Variants in DPYD observed in about 807,000 individuals in gnomAD.
DPYD encodes dihydropyrimidine dehydrogenase, also known as dihydropyrimidine dehydrogenase [NADP(+)].
A neutral mutation model predicts 116.2 loss-of-function variants in DPYD; 109 were observed. The observed-to-expected ratio is 0.94, with a 90% CI of 0.80 to 1.10. The LOEUF is 1.10. Among genes scored for constraint, DPYD ranks in the 50% least tolerant of loss-of-function variants. The pLI, the probability that DPYD is intolerant of heterozygous loss-of-function variation, is 0.00. For synonymous variants in DPYD, 440 were observed against 432.0 expected (o/e 1.02, Z -0.23); for missense variants, 1,302 against 1,254.5 (o/e 1.04, Z -0.57).
chr1:97,313,566 C>T (rs924952611), intron 16 of DPYD, among the ~76,000 whole-genome samples: 1 of 151,370 alleles, frequency 6.6e-6, no homozygotes, highest in African/African-American at 2.4e-5. Context: ...ATAGACCCAC[C>T]TGTGTGTCCT....
chr1:97,685,497 A>G (rs897886829), intron 7 of DPYD, among the ~76,000 whole-genome samples: 3 of 152,162 alleles, frequency 2.0e-5, no homozygotes, highest in Non-Finnish European at 2.9e-5. Context: ...GGCCAGGGCA[A>G]TCAGGCAAAA....
chr1:97,715,895 CTA>C (rs934836033), intron 5 of DPYD, among the ~76,000 whole-genome samples: 6 of 151,980 alleles, frequency 3.9e-5, no homozygotes, highest in African/African-American at 1.4e-4. Flanking sequence ...ATACATATGT[CTA>C]TGTTCTCCTA....
At chr1:97,194,805 A>T (rs1186719807) in intron 19 of DPYD, among the ~76,000 whole-genome samples, 1 of 152,130 alleles carries the variant, frequency 6.6e-6, no homozygotes, top group East Asian at 1.9e-4. Context: ...GCCCGGCCTC[A>T]GGTATATCTT....
At chr1:97,559,022 C>T (rs2102125902) in intron 11 of DPYD, among the ~76,000 whole-genome samples, 1 of 152,232 alleles carries the variant, frequency 6.6e-6, no homozygotes, top group East Asian at 1.9e-4. Flanking sequence ...TTTAAGACTG[C>T]AAACTGCTTG....
chr1:97,795,692 TC>T lies in DPYD; in HGVS notation c.233+32421del, dbSNP rs35002871. Among the ~76,000 whole-genome samples, 5 of 152,024 alleles carry T rather than the reference TC, an allele frequency of 3.3e-5. No individual in the cohort carries two copies. The East Asian group carries it at 9.6e-4, about 29-fold the overall frequency. On this transcript the variant is annotated intron_variant, in intron 3 of 22. Transcript: ENST00000370192. ...AAAATAATGGACATACTATACACAC[TC>T]CTATATTATTTTATATTTCAATGCT... is the stretch of plus-strand genomic sequence containing the variant.
chr1:97,810,836 T>C (rs1474006917), intron 3 of DPYD, among the ~76,000 whole-genome samples: 2 of 152,190 alleles, frequency 1.3e-5, no homozygotes, highest in Non-Finnish European at 1.5e-5. Flanking sequence ...ACTCCTAGTA[T>C]AGAGAGTATT....
chr1:97,873,463 C>T (rs966375948), intron 2 of DPYD, among the ~76,000 whole-genome samples: 6 of 151,910 alleles, frequency 3.9e-5, no homozygotes, highest in South Asian at 2.1e-4. Context: ...ATATAAACAA[C>T]GGAAACCAAT....
At chr1:97,129,856 C>T (rs1460196320) in intron 20 of DPYD, among the ~76,000 whole-genome samples, 3 of 152,174 alleles carry the variant, frequency 2.0e-5, no homozygotes, top group African/African-American at 7.2e-5. Context: ...ATGTCATCTT[C>T]AACATCTCCG....
rs55674432 is a variant in DPYD at position 97,098,616 on chromosome 1, C to A, written c.2639G>T (p.Gly880Val). The change falls in exon 21 of 23, where the codon GGA (glycine) becomes GTA (valine). Residue 880 changes from glycine to valine, a missense_variant. Coordinates refer to ENST00000370192, the MANE Select transcript of DPYD (RefSeq NM_000110.4). ...ELMDKKLPSF[G>V]PYLEQRKKII... ...TTTCTTGCGCTGTTCCAGATAAGGT[C>A]CAAAACTTGGCAGTTTCTAAAAGGA... The A allele has an allele frequency of 4.5e-5, 72 of 1,612,758 alleles. No individual in the cohort carries two copies. The South Asian group carries it at 7.5e-4, about 17-fold the overall frequency.
chr1:97,179,312 C>T (rs557221668), intron 20 of DPYD, among the ~76,000 whole-genome samples: 104 of 152,190 alleles, frequency 6.8e-4, no homozygotes, highest in African/African-American at 2.2e-3. Context: ...TTGGGACCTA[C>T]ATTAAGTGGA....
chr1:97,691,092 G>C (rs150850416), intron 7 of DPYD: 15 of 152,288 alleles, frequency 9.8e-5, no homozygotes, highest in African/African-American at 3.1e-4. Flanking sequence ...ATATGTTCAA[G>C]TGAAGAGCTA....
chr1:97,554,474 A>G (rs982045398), intron 11 of DPYD, among the ~76,000 whole-genome samples: 2 of 152,150 alleles, frequency 1.3e-5, no homozygotes, highest in African/African-American at 4.8e-5. Flanking sequence ...CCTTGAAAAC[A>G]TAGATGAATT....
intron 2 of DPYD, among the ~76,000 whole-genome samples, chr1:97,852,023 C>CAAA (rs555567071): frequency 4.0e-5 from 3 of 74,298 alleles, no homozygotes; most frequent in African/African-American, 9.7e-5. Flanking sequence ...GTGCAATTTA[C>CAAA]AAAAAAAAAA....
chr1:97,642,622 A>G (rs1368286813), intron 8 of DPYD, among the ~76,000 whole-genome samples: 1 of 151,256 alleles, frequency 6.6e-6, no homozygotes, highest in Non-Finnish European at 1.5e-5. Flanking sequence ...TCAGTAAACT[A>G]TCGCAAGAAC....
intron 20 of DPYD, among the ~76,000 whole-genome samples, chr1:97,170,069 A>G (rs1482171394): frequency 6.6e-6 from 1 of 152,250 alleles, no homozygotes; most frequent in East Asian, 1.9e-4. Context: ...ATATGCAGGC[A>G]TACATACAGA....
At chr1:97,500,342 C>T (rs1181066684) in intron 13 of DPYD, among the ~76,000 whole-genome samples, 3 of 151,904 alleles carry the variant, frequency 2.0e-5, no homozygotes, top group Admixed American at 2.0e-4. Flanking sequence ...GCTCTCATTA[C>T]AAATACAATT....
chr1:97,734,809 A>G (rs926959071), intron 4 of DPYD, among the ~76,000 whole-genome samples: 2 of 152,014 alleles, frequency 1.3e-5, no homozygotes, highest in Non-Finnish European at 2.9e-5. Context: ...CTCCAAGCAT[A>G]TAGGTTTTAG....
chr1:97,145,754 T>C lies in DPYD; in HGVS notation c.2623-47122A>G, dbSNP rs973656201. The stretch of plus-strand genomic sequence containing the variant: ...AAAGAATTGTGTGGGTTTTTTTTTT[T>C]TTTTTTGGCATTGTTTGACTTTTTT... On this transcript the variant is annotated intron_variant, in intron 20 of 22. Coordinates refer to ENST00000370192, the MANE Select transcript of DPYD (RefSeq NM_000110.4). Among the ~76,000 whole-genome samples, 4 of 152,066 alleles carry C rather than the reference T, an allele frequency of 2.6e-5. No individual in the cohort carries two copies. The East Asian group carries it at 5.8e-4, about 22-fold the overall frequency.
chr1:97,157,818 T>C (rs1204638858), intron 20 of DPYD, among the ~76,000 whole-genome samples: 1 of 152,162 alleles, frequency 6.6e-6, no homozygotes, highest in African/African-American at 2.4e-5. Flanking sequence ...CTTTTGACAC[T>C]TTTATTCACC....
Sources: allele counts gnomAD v4.1 joint callset (sites outside exome capture counted in the v4.1 genomes callset), GRCh38; gene constraint gnomAD v4.1.1; transcripts MANE v1.5; gene names NCBI Gene and HGNC (gene_info 2026-07-23, HGNC 2026-07-21).